Variants in ELOVL6 observed in about 807,000 individuals in gnomAD.
The protein encoded by ELOVL6 is very long chain fatty acid elongase 6.
ELOVL6 carries 8 observed loss-of-function variants against 31.7 expected under a neutral mutation model. The observed-to-expected ratio is 0.25, with a 90% CI of 0.15 to 0.45. The LOEUF (loss-of-function observed/expected upper bound fraction) is 0.45, where lower values mean the gene tolerates loss of function less well. Ranked by LOEUF, ELOVL6 falls within the 20% of genes least tolerant of loss-of-function variation. ELOVL6 has a pLI of 1.00. For synonymous variants in ELOVL6, 101 were observed against 117.7 expected, an observed-to-expected ratio of 0.86 and a Z score of 0.92; for missense variants, 126 against 326.4, an observed-to-expected ratio of 0.39 and a Z score of 4.73.
chr4:110,166,816 G>A (rs1178588772), intron 1 of ELOVL6, among the ~76,000 whole-genome samples: 1 of 152,098 alleles, frequency 6.6e-6, no homozygotes, highest in African/African-American at 2.4e-5. Flanking sequence ...CCTTTTGCTG[G>A]AGTGTTTCTA....
chr4:110,074,007 A>G (rs1297957887), intron 2 of ELOVL6, among the ~76,000 whole-genome samples: 2 of 152,194 alleles, frequency 1.3e-5, no homozygotes, highest in Non-Finnish European at 2.9e-5. Flanking sequence ...GACAAATGCA[A>G]TGGGAGCAGG....
intron 1 of ELOVL6, among the ~76,000 whole-genome samples, chr4:110,122,832 T>C (rs1757391701): frequency 6.6e-6 from 1 of 152,214 alleles, no homozygotes; most frequent in Non-Finnish European, 1.5e-5. Context: ...GCACATGCTG[T>C]TCTCAGTACG....
chr4:110,165,605 T>C (rs1758753029), intron 1 of ELOVL6, among the ~76,000 whole-genome samples: 2 of 152,194 alleles, frequency 1.3e-5, no homozygotes, highest in African/African-American at 4.8e-5. Context: ...GTGGCTGTGG[T>C]AGGCAGGAAG....
chr4:110,192,742 T>C (rs1759660050), intron 1 of ELOVL6, among the ~76,000 whole-genome samples: 1 of 152,210 alleles, frequency 6.6e-6, no homozygotes, highest in Admixed American at 6.5e-5. Flanking sequence ...CCCACACAGA[T>C]TACACGTTTT....
chr4:110,070,302 A>C (rs145972701), intron 2 of ELOVL6, among the ~76,000 whole-genome samples: 106 of 152,374 alleles, frequency 7.0e-4, no homozygotes, highest in Admixed American at 2.2e-3. Flanking sequence ...GCAGAAAATT[A>C]AAATGATGCT....
At chr4:110,093,014 AT>A in intron 2 of ELOVL6, 1 of 397,452 alleles carries the variant, frequency 2.5e-6, no homozygotes, top group South Asian at 1.9e-5. Flanking sequence ...TAGAATGCTC[AT>A]TTTATATTTC....
chr4:110,053,439 C>A (rs1754888483), intron 3 of ELOVL6, among the ~76,000 whole-genome samples: 1 of 152,166 alleles, frequency 6.6e-6, no homozygotes, highest in African/African-American at 2.4e-5. Flanking sequence ...CCATTCCATG[C>A]ATTAGGAGAG....
chr4:110,181,794 G>A (rs934223729), intron 1 of ELOVL6, among the ~76,000 whole-genome samples: 1 of 152,176 alleles, frequency 6.6e-6, no homozygotes, highest in Non-Finnish European at 1.5e-5. Flanking sequence ...GCAGTCCTGT[G>A]GAAAGCCCTG....
At chr4:110,060,685 C>T (rs1355007111) in intron 2 of ELOVL6, among the ~76,000 whole-genome samples, 1 of 152,122 alleles carries the variant, frequency 6.6e-6, no homozygotes, top group Non-Finnish European at 1.5e-5. Context: ...AAGTGTATGT[C>T]CCAGAGTGTG....
rs533550878 is a variant in ELOVL6, at chr4:110,111,286, A to G, written c.90-5658T>C. On this transcript the variant is annotated intron_variant, in intron 1 of 3. Transcript: ENST00000302274. ...ACTCTCAAAATGTTAAAACGAAAAA[A>G]CTGCACATCTAAAAAGACTCTTTAA... is the stretch of plus-strand genomic sequence containing the variant. Among the ~76,000 whole-genome samples the G allele has an allele frequency of 2.6e-5, 4 of 152,182 alleles. No homozygotes were observed. In the South Asian group the frequency reaches 8.3e-4, roughly 32 times the overall value.
chr4:110,141,877 T>TAATAC (rs1279037216), intron 1 of ELOVL6, among the ~76,000 whole-genome samples: 6 of 69,856 alleles, frequency 8.6e-5, no homozygotes, highest in Non-Finnish European at 1.4e-4. Flanking sequence ...ATATATATAC[T>TAATAC]AATACAATAC....
intron 3 of ELOVL6, among the ~76,000 whole-genome samples, chr4:110,055,278 G>A (rs1754949346): frequency 3.3e-5 from 5 of 152,190 alleles, no homozygotes; most frequent in Admixed American, 3.3e-4. Flanking sequence ...AAGCTATAGA[G>A]TGACCCAGAA....
intron 1 of ELOVL6, among the ~76,000 whole-genome samples, chr4:110,141,657 GTA>G (rs905135459): frequency 6.8e-6 from 1 of 147,708 alleles, no homozygotes. Flanking sequence ...TATTGTATTA[GTA>G]TATATATATA....
chr4:110,148,354 G>A lies in ELOVL6; in HGVS notation c.90-42726C>T, dbSNP rs149639958. On this transcript the variant is annotated intron_variant, in intron 1 of 3. Coordinates refer to ENST00000302274, the MANE Select transcript of ELOVL6 (RefSeq NM_024090.3). ...CATGGATGGAACTGGAGGTCATTAT[G>A]CTAAGTGAAATAAGCCAGGCACAGA... 5.4e-3 allele frequency among the ~76,000 whole-genome samples: 817 copies of A among 152,194 alleles called. 7 individuals are homozygous for A. The highest frequency in any genetic ancestry group is 0.019 in the African/African-American group (781 of 41,524).
chr4:110,157,369 T>A (rs966856708), intron 1 of ELOVL6, among the ~76,000 whole-genome samples: 1 of 152,100 alleles, frequency 6.6e-6, no homozygotes, highest in South Asian at 2.1e-4. Flanking sequence ...GACTGAATAC[T>A]CTAAAATATG....
intron 1 of ELOVL6, among the ~76,000 whole-genome samples, chr4:110,160,951 C>T (rs556679901): frequency 1.8e-4 from 28 of 152,276 alleles, no homozygotes; most frequent in African/African-American, 6.0e-4. Flanking sequence ...CAGAGTAGAT[C>T]AGTACTAAAG....
intron 1 of ELOVL6, among the ~76,000 whole-genome samples, chr4:110,180,515 T>C (rs1759240520): frequency 6.6e-6 from 1 of 152,184 alleles, no homozygotes; most frequent in South Asian, 2.1e-4. Context: ...CCCAAATAGT[T>C]GAGACTACAA....
At chr4:110,105,790 T>G (rs2126246606) in intron 1 of ELOVL6, among the ~76,000 whole-genome samples, 162 bp from the exon 2 acceptor site, 1 of 152,318 alleles carries the variant, frequency 6.6e-6, no homozygotes, top group South Asian at 2.1e-4. Flanking sequence ...AGTGTTCTGT[T>G]GAAATCTCCC....
intron 2 of ELOVL6, among the ~76,000 whole-genome samples, chr4:110,101,400 C>CA (rs34486723): frequency 0.098 from 13,446 of 136,730 alleles, 1,327 homozygotes; most frequent in African/African-American, 0.25. Context: ...ATTTGGATTT[C>CA]AAAAAAAAAA....
Sources: allele counts gnomAD v4.1 joint callset (sites outside exome capture counted in the v4.1 genomes callset), GRCh38; gene constraint gnomAD v4.1.1; transcripts MANE v1.5; gene names NCBI Gene and HGNC (gene_info 2026-07-23, HGNC 2026-07-21).